Variants in CC2D2A observed in about 807,000 individuals in gnomAD.
CC2D2A encodes the protein coiled-coil and C2 domain containing 2A, also known as coiled-coil and C2 domain-containing protein 2A.
Under a neutral mutation model 212.9 loss-of-function variants are expected in CC2D2A, and 155 were observed. The ratio of observed to expected loss-of-function variants is 0.73; its 90% CI spans 0.64 to 0.83. The LOEUF (loss-of-function observed/expected upper bound fraction) is 0.83, where lower values mean the gene tolerates loss of function less well. Ranked by LOEUF, CC2D2A falls within the 40% of genes least tolerant of loss-of-function variation. The probability of loss-of-function intolerance (pLI) is 0.00; values close to 1 mark genes in which losing one functional copy is unlikely to be tolerated. For synonymous variants in CC2D2A, 667 were observed against 686.5 expected (o/e 0.97, Z 0.44); for missense variants, 1,856 against 1,956.2 (o/e 0.95, Z 0.97).
chr4:15,601,417 A>G lies in CC2D2A; in HGVS notation c.4855A>G (p.Asn1619Asp). The G allele has an allele frequency of 6.8e-7, 1 of 1,475,166 alleles. No homozygotes were observed. The allele number at this position is 1,475,166 out of a possible 1,614,324, so 91.4% of individuals were successfully genotyped here. Reference sequence around the variant, plus strand: ...GATCTATGTTGCCTCTCTTATACGCAACAGGTAATTTTTTTCACTGTACTT... The same window carrying G: ...GATCTATGTTGCCTCTCTTATACGCGACAGGTAATTTTTTTCACTGTACTT... ...VWIYVASLIRNR is the reference protein window; with the variant it reads ...VWIYVASLIRDR Residue 1619 changes from asparagine (N) to aspartate (D), a missense_variant, in exon 37 of 37, where the codon AAC (asparagine) becomes GAC (aspartate). Physicochemically the swap from Asn to Asp is conservative, Grantham distance 23 (BLOSUM62 1). Transcript: ENST00000424120.
intron 7 of CC2D2A, among the ~76,000 whole-genome samples, chr4:15,510,886 A>T (rs531664729): frequency 6.6e-6 from 1 of 152,372 alleles, no homozygotes; most frequent in Admixed American, 6.5e-5. Flanking sequence ...TATATTTCTC[A>T]TAATACAACA....
rs948831106 is a variant in CC2D2A, at chr4:15,560,589, A to G, written c.2981A>G (p.Asp994Gly). The G allele has an allele frequency of 3.3e-6, 5 of 1,506,436 alleles. No homozygotes were observed. The South Asian group carries it at 3.7e-5, about 11-fold the overall frequency. 93.3% of individuals were successfully genotyped at this position (1,506,436 alleles called of 1,614,324 possible). Reference protein sequence around the residue: ...LIAKQYFLLADMIVEEEVPNI... With the variant: ...LIAKQYFLLAGMIVEEEVPNI... ...GCAAAACAATATTTTCTTCTTGCTG[A>G]TATGATAGTAGAAGAAGAAGTTCCC... The change falls in exon 23 of 37, where the codon GAT becomes GGT. Residue 994 changes from aspartate (D) to glycine (G), a missense_variant. Coordinates refer to ENST00000424120, the MANE Select transcript of CC2D2A (RefSeq NM_001378615.1).
chr4:15,474,696 T>C (rs767750752), intron 1 of CC2D2A, among the ~76,000 whole-genome samples: 3 of 152,178 alleles, frequency 2.0e-5, no homozygotes, highest in Non-Finnish European at 4.4e-5. Flanking sequence ...AAATATCTCA[T>C]GTACCCCATA....
chr4:15,534,732 T>C (rs1194446791), intron 14 of CC2D2A, among the ~76,000 whole-genome samples: 1 of 152,190 alleles, frequency 6.6e-6, no homozygotes, highest in Non-Finnish European at 1.5e-5. Flanking sequence ...AATTGTAAGT[T>C]TTCTTTGGCT....
chr4:15,600,903 CAAAAAAAAA>C (rs5856308), intron 36 of CC2D2A, among the ~76,000 whole-genome samples: 2 of 93,016 alleles, frequency 2.2e-5, no homozygotes, highest in Non-Finnish European at 2.2e-5. Context: ...AGACCTGTCT[CAAAAAAAAA>C]AAAAAAAAAG....
chr4:15,571,977 T>C (rs182067937), intron 28 of CC2D2A, among the ~76,000 whole-genome samples: 49 of 152,286 alleles, frequency 3.2e-4, no homozygotes, highest in Non-Finnish European at 7.4e-5. Flanking sequence ...CTGAGGCAGT[T>C]TGCTCTCTTC....
At chr4:15,594,423 T>G (rs568878382) in intron 33 of CC2D2A, among the ~76,000 whole-genome samples, 1 of 152,132 alleles carries the variant, frequency 6.6e-6, no homozygotes, top group African/African-American at 2.4e-5. Context: ...TAATTGAGGC[T>G]GGGCAACTCT....
At chr4:15,503,744 G>A (rs530181037) in intron 6 of CC2D2A, among the ~76,000 whole-genome samples, 1 of 152,310 alleles carries the variant, frequency 6.6e-6, no homozygotes, top group Admixed American at 6.5e-5. Context: ...AATTTCGTTC[G>A]TATTTGAGGT....
In CC2D2A at chr4:15,487,766, A is replaced by AT. The variant is rs1180461784; in HGVS notation, c.247+6943dup. On this transcript the variant is annotated intron_variant, in intron 4 of 36. Coordinates refer to ENST00000424120, the MANE Select transcript of CC2D2A (RefSeq NM_001378615.1). ...TCCTGTCTTTCTTAGTGTATAAGTGATTTTCTCCAGTAGTATGTTAAAAAA... is the reference window on the plus strand; with the variant it reads ...TCCTGTCTTTCTTAGTGTATAAGTGATTTTTCTCCAGTAGTATGTTAAAAAA... Among the ~76,000 whole-genome samples, 6 of 141,804 alleles carry AT rather than the reference A, an allele frequency of 4.2e-5. No individual in the cohort carries two copies. In the East Asian group the frequency reaches 8.3e-4, roughly 20 times the overall value. The allele number at this position is 141,804 out of a possible 152,430, so 93.0% of individuals were successfully genotyped here. A position where few individuals can be genotyped will look rare whatever the true frequency, so the allele number is the denominator to read the frequency against.
At chr4:15,562,124 A>C (rs1719634524) in intron 23 of CC2D2A, among the ~76,000 whole-genome samples, 1 of 152,234 alleles carries the variant, frequency 6.6e-6, no homozygotes, top group African/African-American at 2.4e-5. Flanking sequence ...GAATCCTGGA[A>C]CTTCCTTGGG....
intron 4 of CC2D2A, among the ~76,000 whole-genome samples, chr4:15,496,687 C>T (rs921542358): frequency 1.3e-5 from 2 of 152,086 alleles, no homozygotes; most frequent in Non-Finnish European, 2.9e-5. Context: ...CCAAAGGCTC[C>T]TAGATCTGAT....
intron 22 of CC2D2A, among the ~76,000 whole-genome samples, chr4:15,559,620 T>C (rs1224177198): frequency 1.3e-5 from 2 of 152,190 alleles, no homozygotes; most frequent in Non-Finnish European, 2.9e-5. Flanking sequence ...ACTGCCCTTA[T>C]GCACTAGAAA....
intron 30 of CC2D2A, among the ~76,000 whole-genome samples, chr4:15,582,695 T>C (rs1194937403): frequency 6.6e-6 from 1 of 152,184 alleles, no homozygotes; most frequent in African/African-American, 2.4e-5. Flanking sequence ...ATTGAAGCTG[T>C]AATGAAAAGT....
At chr4:15,594,416 T>C (rs1365791570) in intron 33 of CC2D2A, among the ~76,000 whole-genome samples, 1 of 152,138 alleles carries the variant, frequency 6.6e-6, no homozygotes, top group Non-Finnish European at 1.5e-5. Context: ...GTTCTGCTAA[T>C]TGAGGCTGGG....
At chr4:15,561,392 A>G (rs1719591514) in intron 23 of CC2D2A, among the ~76,000 whole-genome samples, 1 of 152,182 alleles carries the variant, frequency 6.6e-6, no homozygotes, top group African/African-American at 2.4e-5. Flanking sequence ...AATCCATAGC[A>G]GCCCCTTTCC....
At position 15,601,535 on chromosome 4, in the gene CC2D2A, T is replaced by C. The variant is rs907872782; in HGVS notation, c.*110T>C. ...AACATATTATTGGCAAATAATAAAA[T>C]TATCAACTGTTTTCAAACTGTGCAA... On this transcript the variant is annotated 3_prime_UTR_variant, in exon 37 of 37. Coordinates refer to ENST00000424120, the MANE Select transcript of CC2D2A (RefSeq NM_001378615.1). The C allele has an allele frequency of 1.7e-5, 12 of 698,932 alleles. No individual in the cohort carries two copies. Among genetic ancestry groups the C allele is most frequent in the Non-Finnish European group, 2.4e-5 (11 of 449,294 alleles). 43.3% of individuals were successfully genotyped at this position (698,932 alleles called of 1,614,324 possible).
Position 15,514,845 on chromosome 4 carries a change from C to T in CC2D2A, c.856C>T (p.Leu286Phe). 6.2e-7 allele frequency: 1 copy of T among 1,613,912 alleles called. No individual in the cohort carries two copies. Among genetic ancestry groups the T allele is most frequent in the South Asian group, 1.1e-5 (1 of 91,088 alleles). Residue 286 changes from leucine to phenylalanine, a missense_variant, in exon 9 of 37, where the codon CTC becomes TTC. By Grantham distance (22) the Leu-to-Phe change is conservative. This residue lies in a region of CC2D2A where 1,512 missense variants were observed against 1,579.3 expected (regional missense o/e 0.96). Transcript: ENST00000424120. Reference protein sequence around the residue: ...HDRLQMEREMLFIPSRQTVPT... With the variant: ...HDRLQMEREMFFIPSRQTVPT... ...TCGGCTGCAGATGGAAAGAGAAATG[C>T]TCTTCATACCCAGTAGGCAGACAGG...
At chr4:15,519,234 G>T in intron 11 of CC2D2A, 1 of 346,530 alleles carries the variant, frequency 2.9e-6, no homozygotes, top group South Asian at 2.3e-5. Flanking sequence ...CTAGGGCAGA[G>T]GCAAAATGAC....
chr4:15,517,104 C>T (rs141964949), intron 11 of CC2D2A, among the ~76,000 whole-genome samples: 5 of 151,916 alleles, frequency 3.3e-5, no homozygotes, highest in South Asian at 4.2e-4. Flanking sequence ...CCCGCCACCT[C>T]GCCCGGCTAA....
Sources: gnomAD v4.1 joint callset for allele counts (sites outside exome capture counted in the v4.1 genomes callset) on GRCh38, gnomAD v4.1.1 for gene constraint, gnomAD v4.1.1 regional missense constraint, MANE v1.5 for transcripts, NCBI Gene and HGNC (gene_info 2026-07-23, HGNC 2026-07-21) for gene names.